The following NBPF10 variants were observed in gnomAD, a reference collection of about 807,000 sequenced individuals.
NBPF10 encodes NBPF family member NBPF10.
A neutral mutation model predicts 77.9 loss-of-function variants in NBPF10; 63 were observed. The ratio of observed to expected loss-of-function variants is 0.81; its 90% CI spans 0.66 to 1.00. The LOEUF (loss-of-function observed/expected upper bound fraction) is 1.00. Ranked by LOEUF, NBPF10 falls within the 50% of genes least tolerant of loss-of-function variation. The pLI, the probability that NBPF10 is intolerant of heterozygous loss-of-function variation, is 0.00. For missense variants in NBPF10, 522 were observed against 679.8 expected, an observed-to-expected ratio of 0.77 and a Z score of 2.58; for synonymous variants, 146 against 264.5, an observed-to-expected ratio of 0.55 and a Z score of 4.35.
At chr1:146,143,803 G>A (rs10752820) in intron 1 of NBPF10, among the ~76,000 whole-genome samples, 1 of 137,336 alleles carries the variant, frequency 7.3e-6, no homozygotes, top group Non-Finnish European at 1.6e-5. Flanking sequence ...ATGCTGGAGT[G>A]CAATAGTGCA....
intron 6 of NBPF10, among the ~76,000 whole-genome samples, chr1:146,137,095 G>A (rs1353349818): frequency 7.5e-6 from 1 of 133,068 alleles, no homozygotes; most frequent in South Asian, 2.8e-4. Context: ...GCCAATAAAT[G>A]TTCTAGGAGA....
rs781829666 is a variant in NBPF10 at position 146,141,726 on chromosome 1, T to C, written c.371A>G (p.Tyr124Cys). Residue 124 changes from tyrosine to cysteine, a missense_variant, in exon 3 of 90, where the codon TAT becomes TGT. Transcript: ENST00000583866. ...AGTGAGGAGGGCCTGGAGATGCTCATACAATGAGCGGGAGGCATCTCTCCC... is the reference window on the plus strand; with the variant it reads ...AGTGAGGAGGGCCTGGAGATGCTCACACAATGAGCGGGAGGCATCTCTCCC... 133 of 1,304,374 alleles carry C rather than the reference T, an allele frequency of 1.0e-4. 43 individuals carry two copies. The East Asian group carries it at 3.8e-3, about 38-fold the overall frequency. 80.8% of individuals were successfully genotyped at this position (1,304,374 alleles called of 1,614,324 possible).
At chr1:146,076,292 C>CACACAG (rs1656043354) in intron 77 of NBPF10, among the ~76,000 whole-genome samples, 2 of 13,074 alleles carry the variant, frequency 1.5e-4, no homozygotes, top group Non-Finnish European at 5.1e-4. Context: ...CACACACACA[C>CACACAG]ACACACACAC....
chr1:146,113,689 C>A (rs2102129668), exon 30 of NBPF10: 1 of 5,160 alleles, frequency 1.9e-4, no homozygotes, highest in South Asian at 7.6e-4. Context: ...GTTTTTCCTC[C>A]AATGCATAAA....
At chr1:146,134,309 G>T (rs587607063) in intron 8 of NBPF10, 44 bp from the exon 9 acceptor site, 15 of 1,588,778 alleles carry the variant, frequency 9.4e-6, no homozygotes, top group East Asian at 9.0e-5. Context: ...CCACTTCACA[G>T]TCTGCAAGCA....
exon 14 of NBPF10, chr1:146,126,325 C>A (rs184819447): frequency 1.5e-6 from 2 of 1,310,866 alleles, no homozygotes; most frequent in Non-Finnish European, 2.2e-6. Context: ...CAGTTCAAGA[C>A]AACCTGAAGG....
At chr1:146,126,133 G>A in intron 14 of NBPF10, 103 bp downstream of exon 14, 1 of 784,414 alleles carries the variant, frequency 1.3e-6, no homozygotes, top group Non-Finnish European at 2.3e-6. Flanking sequence ...TCCTCCCTGT[G>A]GCAATGACAT....
chr1:146,126,634 C>CACAT (rs1253896817), intron 13 of NBPF10, among the ~76,000 whole-genome samples: 2 of 135,104 alleles, frequency 1.5e-5, no homozygotes, highest in African/African-American at 2.6e-5. Flanking sequence ...CACACACACA[C>CACAT]AGAGCGAGCT....
intron 35 of NBPF10, among the ~76,000 whole-genome samples, chr1:146,109,367 G>GAA (rs2102117396): frequency 8.7e-4 from 50 of 57,538 alleles, no homozygotes; most frequent in Non-Finnish European, 1.2e-3. Context: ...GAGAGAACGA[G>GAA]CTCAGTGAAT....
chr1:146,126,129 C>G (rs1460706305), intron 14 of NBPF10, 107 bp downstream of exon 14: 8 of 773,506 alleles, frequency 1.0e-5, no homozygotes, highest in South Asian at 7.2e-5. Flanking sequence ...TAGGTCCTCC[C>G]TGTGGCAATG....
intron 87 of NBPF10, among the ~76,000 whole-genome samples, chr1:146,068,551 C>A (rs1559310480): frequency 3.3e-5 from 1 of 30,222 alleles, no homozygotes; most frequent in African/African-American, 9.1e-5. Context: ...AGTTGCCATA[C>A]AGCCTTTGAC....
chr1:146,067,765 A>G (rs1341308625), intron 88 of NBPF10, among the ~76,000 whole-genome samples: 1 of 151,374 alleles, frequency 6.6e-6, no homozygotes, highest in Non-Finnish European at 1.5e-5. Flanking sequence ...ATGTCATGAG[A>G]ATAGGATCAG....
chr1:146,067,820 C>A (rs1245939486), intron 88 of NBPF10, among the ~76,000 whole-genome samples, 183 bp downstream of exon 88: 1 of 151,944 alleles, frequency 6.6e-6, no homozygotes, highest in Non-Finnish European at 1.5e-5. Flanking sequence ...GTCTTGCTCA[C>A]TGAACCATTT....
chr1:146,122,221 C>A (rs1658260765), intron 19 of NBPF10, 62 bp downstream of exon 19: 1 of 61,162 alleles, frequency 1.6e-5, no homozygotes, highest in Non-Finnish European at 2.6e-5. Context: ...CTCTGGTTTC[C>A]CTGAATCTGT....
At chr1:146,121,917 G>T (rs1658223387) in intron 19 of NBPF10, among the ~76,000 whole-genome samples, 1 of 146,910 alleles carries the variant, frequency 6.8e-6, no homozygotes, top group African/African-American at 2.6e-5. Flanking sequence ...CTAGTGAATT[G>T]GCCAGGTGAC....
intron 13 of NBPF10, among the ~76,000 whole-genome samples, 163 bp from the exon 14 acceptor site, chr1:146,126,571 C>T (rs1341078210): frequency 2.7e-5 from 4 of 145,662 alleles, no homozygotes; most frequent in Non-Finnish European, 6.0e-5. Context: ...TGACTAGGGC[C>T]AGGTAGAAAA....
Position 146,140,548 on chromosome 1 carries a change from C to T in NBPF10, c.502G>A (p.Glu168Lys), listed in dbSNP as rs59644157. ...ACTTGAACATCTTCATCCTCATCTT[C>T]GTCATTTTCTAGAAATACAAAATGT... is the stretch of plus-strand genomic sequence containing the variant. Residue 168 changes from glutamate to lysine, a missense_variant, in exon 4 of 90, where the codon GAA becomes AAA. Glu to Lys is a moderately conservative substitution (Grantham distance 56). Coordinates refer to ENST00000583866, the Ensembl canonical transcript of NBPF10. The T allele has an allele frequency of 3.0e-4, 259 of 854,668 alleles. 37 individuals carry two copies. Among genetic ancestry groups the T allele is most frequent in the East Asian group, 8.8e-4 (26 of 29,652 alleles). 52.9% of individuals were successfully genotyped at this position (854,668 alleles called of 1,614,324 possible).
At chr1:146,142,862 A>G in intron 1 of NBPF10, 110 bp from the exon 2 acceptor site, 2 of 584,396 alleles carry the variant, frequency 3.4e-6, no homozygotes, top group Non-Finnish European at 6.1e-6. Context: ...TCTCCCCAGT[A>G]CCAGGGTCTA....
Position 146,143,082 on chromosome 1 carries a change from CTA to C in NBPF10, c.176-332_176-331del, listed in dbSNP as rs1259310367. 2.4e-5 allele frequency among the ~76,000 whole-genome samples: 3 copies of C among 125,682 alleles called. 1 individual carries two copies. The highest frequency in any genetic ancestry group is 5.6e-5 in the Non-Finnish European group (3 of 53,794). The allele number at this position is 125,682 out of a possible 152,430, so 82.5% of individuals were successfully genotyped here. Reference sequence around the variant, plus strand: ...TTTCCCAAGCCTTGCAGCCTCTCCTCTAAAACACTGCACTGGGGCATGAAGTA... The same window carrying C: ...TTTCCCAAGCCTTGCAGCCTCTCCTCAAACACTGCACTGGGGCATGAAGTA... On this transcript the variant is annotated intron_variant, in intron 1 of 89. Transcript: ENST00000583866.
Sources: gnomAD v4.1 joint callset for allele counts (sites outside exome capture counted in the v4.1 genomes callset) on GRCh38, gnomAD v4.1.1 for gene constraint, MANE v1.5 for transcripts, NCBI Gene and HGNC (gene_info 2026-07-23, HGNC 2026-07-21) for gene names.